ZNF653: variants seen among roughly 807,000 people sequenced by gnomAD.
ZNF653 encodes the protein 67 kDa zinc finger protein.
ZNF653 carries 37 observed loss-of-function variants against 59.9 expected under a neutral mutation model. The ratio of observed to expected loss-of-function variants is 0.62; its 90% CI spans 0.48 to 0.81. The LOEUF (loss-of-function observed/expected upper bound fraction) is 0.81, where lower values mean the gene tolerates loss of function less well. Ranked by LOEUF, ZNF653 falls within the 40% of genes least tolerant of loss-of-function variation. ZNF653 has a pLI of 0.00. For synonymous variants in ZNF653, 435 were observed against 371.8 expected (o/e 1.17, Z -1.96); for missense variants, 808 against 881.1 (o/e 0.92, Z 1.05).
chr19:11,504,553 C>T, intron 1 of ZNF653: 1 of 985,442 alleles, frequency 1.0e-6, no homozygotes, highest in Non-Finnish European at 1.2e-6. Flanking sequence ...ATAAGCCAGC[C>T]TGCTGTCCTG....
chr19:11,492,334 C>T (rs112238363), intron 3 of ZNF653, among the ~76,000 whole-genome samples: 6,780 of 152,050 alleles, frequency 0.045, 178 homozygotes, highest in Admixed American at 0.072. Context: ...TGAGCCACCA[C>T]GCCCAGCCTG....
chr19:11,485,831 G>C (rs1971460133), intron 6 of ZNF653, 61 bp from the exon 7 acceptor site: 2 of 1,370,120 alleles, frequency 1.5e-6, no homozygotes. Flanking sequence ...CTGGGAGGTG[G>C]GGAGAGATGA....
In ZNF653 at chr19:11,486,981, A is replaced by C. The variant is rs781440504; in HGVS notation, c.1343+6T>G. 5.0e-6 allele frequency: 8 copies of C among 1,613,480 alleles called. No homozygotes were observed. The highest frequency in any genetic ancestry group is 6.8e-6 in the Non-Finnish European group (8 of 1,179,672). ...CGCCCTCACCCTTGCCCGCCCCGGC[A>C]CCCACTTCTCAGGCTCCTTGGGGAT... is the stretch of plus-strand genomic sequence containing the variant. On this transcript the variant is annotated splice_donor_region_variant and intron_variant, in intron 5 of 8. Transcript: ENST00000293771.
rs199503238 is a variant in ZNF653, at chr19:11,483,749, C to T, written c.1781G>A (p.Arg594His). 1 of 1,613,686 alleles carries T rather than the reference C, an allele frequency of 6.2e-7. No homozygotes were observed. Among genetic ancestry groups the T allele is most frequent in the Non-Finnish European group, 8.5e-7 (1 of 1,179,686 alleles). Reference sequence around the variant, plus strand: ...CTTGACGCTGTCCAGCTTCTCGAAGCGCTTCCCGCAGCGATCGCACGTGAA... The same window carrying T: ...CTTGACGCTGTCCAGCTTCTCGAAGTGCTTCCCGCAGCGATCGCACGTGAA... ...YNFTCDRCGK[R>H]FEKLDSVKFH... Residue 594 changes from arginine to histidine, a missense_variant, in exon 9 of 9, where the codon CGC becomes CAC. Physicochemically the swap from Arg to His is conservative, Grantham distance 29. Coordinates refer to ENST00000293771, the MANE Select transcript of ZNF653 (RefSeq NM_138783.4).
intron 1 of ZNF653, 109 bp from the exon 2 acceptor site, chr19:11,498,448 A>C: frequency 6.9e-7 from 1 of 1,445,504 alleles, no homozygotes; most frequent in South Asian, 1.1e-5. Context: ...ACTGAAACTA[A>C]ATCTGAACTT....
Position 11,505,808 on chromosome 19 carries a change from C to T in ZNF653, c.-22G>A. On this transcript the variant is annotated 5_prime_UTR_variant, in exon 1 of 9. Transcript: ENST00000293771. The stretch of plus-strand genomic sequence containing the variant: ...CCATCCCCCCCACCCTGGTTACCAG[C>T]CTCCCCCGTTGTTAGGAGCCAGACC... 9.5e-6 allele frequency: 13 copies of T among 1,369,026 alleles called. No individual in the cohort carries two copies. Among genetic ancestry groups the T allele is most frequent in the Non-Finnish European group, 1.2e-5 (13 of 1,065,238 alleles). The allele number at this position is 1,369,026 out of a possible 1,614,324, so 84.8% of individuals were successfully genotyped here.
chr19:11,505,352 C>A (rs1439660333), intron 1 of ZNF653, 136 bp downstream of exon 1: 3 of 946,350 alleles, frequency 3.2e-6, no homozygotes, highest in Non-Finnish European at 1.4e-6. Context: ...AGTACGAGAC[C>A]CAGGCCGCCG....
rs775064342 is a variant in ZNF653 at position 11,483,639 on chromosome 19, T to C, written c.*43A>G. The stretch of plus-strand genomic sequence containing the variant: ...GGCCCCGGCAAGCCCGGGCGTGGTG[T>C]CCGAGCGGACGAATAAATAGGGGCG... On this transcript the variant is annotated 3_prime_UTR_variant, in exon 9 of 9. Transcript: ENST00000293771. The C allele has an allele frequency of 8.2e-6, 13 of 1,591,940 alleles. No individual in the cohort carries two copies. The highest frequency in any genetic ancestry group is 1.1e-5 in the Non-Finnish European group (13 of 1,164,104).
At chr19:11,491,713 A>G (rs1399634787) in intron 3 of ZNF653, among the ~76,000 whole-genome samples, 1 of 151,572 alleles carries the variant, frequency 6.6e-6, no homozygotes, top group Non-Finnish European at 1.5e-5. Context: ...TCAGCCTCCC[A>G]AGTAGCTGGG....
In ZNF653 at chr19:11,495,123, G is replaced by A. The variant is rs561180968; in HGVS notation, c.559+827C>T. 1.5e-3 allele frequency among the ~76,000 whole-genome samples: 223 copies of A among 152,236 alleles called. No homozygotes were observed. Among genetic ancestry groups the A allele is most frequent in the Middle Eastern group, 0.01 (3 of 294 alleles). ...CAGCGCAGGCTCAGCCCTGGTGACC[G>A]CCCCACCCTCAGCCCTGACAGGACG... On this transcript the variant is annotated intron_variant, in intron 3 of 8. Transcript: ENST00000293771. This position sits in a 1 kb window ranked among gnomAD's most constrained non-coding sequence, Gnocchi z 4.9.
chr19:11,488,478 G>T (rs1971495329), intron 3 of ZNF653, among the ~76,000 whole-genome samples: 1 of 151,486 alleles, frequency 6.6e-6, no homozygotes, highest in Non-Finnish European at 1.5e-5. Context: ...TAGAGACGGG[G>T]TTTCATCATG....
chr19:11,493,391 A>G (rs968517678), intron 3 of ZNF653, among the ~76,000 whole-genome samples: 8 of 152,120 alleles, frequency 5.3e-5, no homozygotes, highest in African/African-American at 1.9e-4. Context: ...AAATATGTAT[A>G]AGGGTTTAGG....
intron 1 of ZNF653, among the ~76,000 whole-genome samples, chr19:11,502,646 T>C (rs1971658977): frequency 1.3e-5 from 2 of 151,560 alleles, no homozygotes; most frequent in Admixed American, 1.3e-4. Flanking sequence ...GCCTGGGCAA[T>C]ATAGCAAGAC....
intron 1 of ZNF653, among the ~76,000 whole-genome samples, chr19:11,499,828 C>T (rs761240833): frequency 1.4e-4 from 22 of 151,984 alleles, no homozygotes; most frequent in Non-Finnish European, 2.8e-4. Context: ...GGGAGGATCA[C>T]CTGAGCCTGG....
At position 11,496,060 on chromosome 19, in the gene ZNF653, A is replaced by G. The variant is rs781722086; in HGVS notation, c.449T>C (p.Phe150Ser). Reference protein sequence around the residue: ...EPHLAELDPTFGLYTTAVWQC... With the variant: ...EPHLAELDPTSGLYTTAVWQC... ...CCACACGGCCGTGGTGTACAGGCCA[A>G]AAGTGGGGTCTAGCTCCGCCAGGTG... The change falls in exon 3 of 9, where the codon TTT (phenylalanine) becomes TCT (serine). Residue 150 changes from phenylalanine (F) to serine (S), a missense_variant. Physicochemically the swap from Phe to Ser is radical, Grantham distance 155 (BLOSUM62 -2). Coordinates refer to ENST00000293771, the MANE Select transcript of ZNF653 (RefSeq NM_138783.4). The G allele has an allele frequency of 5.6e-5, 90 of 1,614,064 alleles. No individual in the cohort carries two copies. The highest frequency in any genetic ancestry group is 4.5e-5 in the East Asian group (2 of 44,892).
rs753352756 is a variant in ZNF653, at chr19:11,483,642, G to C, written c.*40C>G. 1.9e-5 allele frequency: 30 copies of C among 1,595,184 alleles called. No individual in the cohort carries two copies. In the South Asian group the frequency reaches 3.1e-4, roughly 17 times the overall value. On this transcript the variant is annotated 3_prime_UTR_variant, in exon 9 of 9. Transcript: ENST00000293771. ...CCCGGCAAGCCCGGGCGTGGTGTCC[G>C]AGCGGACGAATAAATAGGGGCGGTC... is the stretch of plus-strand genomic sequence containing the variant.
At chr19:11,494,117 T>C (rs1241619666) in intron 3 of ZNF653, among the ~76,000 whole-genome samples, 1 of 151,806 alleles carries the variant, frequency 6.6e-6, no homozygotes, top group Non-Finnish European at 1.5e-5. Flanking sequence ...AGGCTGGGAG[T>C]TCGAGACCAG....
chr19:11,487,611 T>C lies in ZNF653; in HGVS notation c.852A>G (p.Gln284=). The change falls in exon 4 of 9, where the codon CAA becomes CAG. Residue 284 remains glutamine (Q), a synonymous_variant. Transcript: ENST00000293771. This position sits in a 1 kb window ranked among gnomAD's most constrained non-coding sequence, Gnocchi z 5.1. ...AGAGGGCGCTGGGGCCCGCACCCAC[T>C]TGCACAGGCACCGGCACGCACACCA... The part of the protein sequence containing the change: ...ETVVCVPVPV[Q]VGAGPSALFE... 1.2e-6 allele frequency: 2 copies of C among 1,613,844 alleles called. No individual in the cohort carries two copies. The highest frequency in any genetic ancestry group is 1.7e-6 in the Non-Finnish European group (2 of 1,179,962).
Position 11,483,650 on chromosome 19 carries a change from GAATA to G in ZNF653, c.*28_*31del, listed in dbSNP as rs756034105. 13 of 1,598,418 alleles carry G rather than the reference GAATA, an allele frequency of 8.1e-6. No homozygotes were observed. In the East Asian group the frequency reaches 2.0e-4, roughly 25 times the overall value. The stretch of plus-strand genomic sequence containing the variant: ...GCCCGGGCGTGGTGTCCGAGCGGAC[GAATA>G]AATAGGGGCGGTCAGTGGTCAGGTG... On this transcript the variant is annotated 3_prime_UTR_variant, in exon 9 of 9. Transcript: ENST00000293771.
Sources: allele counts gnomAD v4.1 joint callset (sites outside exome capture counted in the v4.1 genomes callset), GRCh38; gene constraint gnomAD v4.1.1; non-coding constraint Gnocchi (gnomAD v3.1); transcripts MANE v1.5; gene names NCBI Gene and HGNC (gene_info 2026-07-23, HGNC 2026-07-21).